The following TTC6 variants were observed in gnomAD, a reference collection of about 807,000 sequenced individuals.
TTC6 encodes tetratricopeptide repeat protein 6.
In TTC6, 172 loss-of-function variants were observed where a neutral mutation model predicts 210.4. The ratio of observed to expected loss-of-function variants is 0.82; its 90% confidence interval spans 0.72 to 0.93. The LOEUF is 0.93. Ranked by LOEUF, TTC6 falls within the 40% of genes least tolerant of loss-of-function variation. TTC6 has a pLI of 0.00. For synonymous variants in TTC6, 804 were observed against 819.6 expected (o/e 0.98, Z 0.32); for missense variants, 2,414 against 2,318.1 (o/e 1.04, Z -0.85).
At chr14:37,809,603 T>C (rs2096125691) in intron 24 of TTC6, among the ~76,000 whole-genome samples, 1 of 152,144 alleles carries the variant, frequency 6.6e-6, no homozygotes, top group Non-Finnish European at 1.5e-5. Context: ...GTAGGCATTC[T>C]TTTGTTTGGT....
intron 1 of TTC6, among the ~76,000 whole-genome samples, chr14:37,677,651 T>A (rs1180435747): frequency 1.3e-5 from 2 of 152,100 alleles, no homozygotes; most frequent in Non-Finnish European, 2.9e-5. Flanking sequence ...ATATTTTCAG[T>A]CACTCCCCAT....
chr14:37,632,075 G>C (rs956052402), intron 1 of TTC6, among the ~76,000 whole-genome samples: 1 of 152,058 alleles, frequency 6.6e-6, no homozygotes, highest in Non-Finnish European at 1.5e-5. Flanking sequence ...CCTTTAGCTT[G>C]GAGGAGTTTG....
chr14:37,800,914 C>T (rs1484116618), intron 20 of TTC6, among the ~76,000 whole-genome samples: 1 of 152,138 alleles, frequency 6.6e-6, no homozygotes, highest in Non-Finnish European at 1.5e-5. Context: ...AACAACTCAG[C>T]TGCAAACACG....
chr14:37,776,211 C>T lies in TTC6; in HGVS notation c.3267-11257C>T, dbSNP rs565082268. On this transcript the variant is annotated intron_variant, in intron 14 of 30. Coordinates refer to ENST00000553443, the Ensembl canonical transcript of TTC6. ...GACTACAGGCGCCCGCCACCGCGCCCGGCTAATTTTTTGTCTTTTTAGTAG... is the reference window on the plus strand; with the variant it reads ...GACTACAGGCGCCCGCCACCGCGCCTGGCTAATTTTTTGTCTTTTTAGTAG... Among the ~76,000 whole-genome samples the T allele has an allele frequency of 1.1e-3, 24 of 20,922 alleles. 9 individuals are homozygous for T. The highest frequency in any genetic ancestry group is 2.9e-3 in the African/African-American group (22 of 7,512). 13.7% of individuals were successfully genotyped at this position (20,922 alleles called of 152,430 possible). A position where few individuals can be genotyped will look rare whatever the true frequency, so the allele number is the denominator to read the frequency against.
chr14:37,710,505 C>T (rs1393849610), intron 5 of TTC6, among the ~76,000 whole-genome samples: 4 of 152,114 alleles, frequency 2.6e-5, no homozygotes, highest in Non-Finnish European at 5.9e-5. Flanking sequence ...GAGAGGTGGG[C>T]TTGTTTCCTT....
chr14:37,712,433 G>A (rs2095846093), intron 5 of TTC6, among the ~76,000 whole-genome samples: 1 of 151,934 alleles, frequency 6.6e-6, no homozygotes, highest in Non-Finnish European at 1.5e-5. Flanking sequence ...CTGTTCTTTT[G>A]TTTTCCTGGA....
At chr14:37,783,210 G>T (rs2096059575) in intron 14 of TTC6, among the ~76,000 whole-genome samples, 1 of 152,168 alleles carries the variant, frequency 6.6e-6, no homozygotes, top group South Asian at 2.1e-4. Flanking sequence ...AAGGGTACCA[G>T]CTCCTTTTTG....
chr14:37,651,624 C>T (rs937310728), intron 1 of TTC6, among the ~76,000 whole-genome samples: 1 of 151,554 alleles, frequency 6.6e-6, no homozygotes, highest in African/African-American at 2.4e-5. Context: ...TTTAATGTGT[C>T]TCAAGTACAG....
chr14:37,740,746 C>A (rs1029365237), intron 10 of TTC6, among the ~76,000 whole-genome samples: 62 of 152,076 alleles, frequency 4.1e-4, no homozygotes, highest in African/African-American at 1.4e-3. Context: ...TAGGAGACTG[C>A]AAGTAGGTTT....
chr14:37,622,301 TA>T lies in TTC6; in HGVS notation c.240del (p.Gly81AlafsTer53). ...GGACGTCGAGAAGATACCCTTCGCT[TA>T]AAGGCCCTGCGATGTCCGCGGCCGC... On this transcript the variant is annotated frameshift_variant, in exon 1 of 31. Coordinates refer to ENST00000553443, the Ensembl canonical transcript of TTC6. LOFTEE classifies it high-confidence loss of function. 4 of 1,534,804 alleles carry T rather than the reference TA, an allele frequency of 2.6e-6. No homozygotes were observed. Among genetic ancestry groups the T allele is most frequent in the Non-Finnish European group, 3.5e-6 (4 of 1,146,264 alleles).
At chr14:37,839,322 T>G (rs937800513) in intron 29 of TTC6, among the ~76,000 whole-genome samples, 15 of 152,194 alleles carry the variant, frequency 9.9e-5, no homozygotes, top group African/African-American at 3.6e-4. Flanking sequence ...TTTCTGACTT[T>G]TTAATGATCA....
intron 2 of TTC6, among the ~76,000 whole-genome samples, 155 bp from the exon 5 acceptor site, chr14:37,682,603 T>C (rs144857659): frequency 3.3e-5 from 5 of 152,298 alleles, no homozygotes; most frequent in African/African-American, 9.6e-5. Context: ...TTTGAGCTTC[T>C]CTTTCTAAAT....
chr14:37,816,339 C>T (rs60835094), intron 25 of TTC6, among the ~76,000 whole-genome samples: 1 of 152,036 alleles, frequency 6.6e-6, no homozygotes, highest in South Asian at 2.1e-4. Context: ...TTCCCTCTGA[C>T]ATAGCCAGGG....
chr14:37,622,965 CG>C lies in TTC6; in HGVS notation c.903del (p.Ser302AlafsTer16). 1 of 1,510,904 alleles carries C rather than the reference CG, an allele frequency of 6.6e-7. No individual in the cohort carries two copies. Among genetic ancestry groups the C allele is most frequent in the Middle Eastern group, 1.7e-4 (1 of 5,874 alleles). 93.6% of individuals were successfully genotyped at this position (1,510,904 alleles called of 1,614,324 possible). On this transcript the variant is annotated frameshift_variant, in exon 1 of 31. Transcript: ENST00000553443. LOFTEE classifies it high-confidence loss of function. ...CGACCAGACCATCAAAGAGCTCATA[CG>C]GAGCGTCCTTGGCCAGAACTACGAC...
chr14:37,813,483 A>T (rs1188702221), intron 25 of TTC6, among the ~76,000 whole-genome samples: 2 of 152,192 alleles, frequency 1.3e-5, no homozygotes, highest in Non-Finnish European at 2.9e-5. Context: ...AGCCCATGTT[A>T]TTCTCTGAAT....
upstream of TTC6, among the ~76,000 whole-genome samples, chr14:37,621,526 T>C (rs1212617889): frequency 6.6e-6 from 1 of 152,136 alleles, no homozygotes; most frequent in Non-Finnish European, 1.5e-5. Context: ...GGAGGATCGC[T>C]TGAGCCCAGG....
chr14:37,802,050 A>G (rs1157473000), intron 20 of TTC6: 1 of 152,220 alleles, frequency 6.6e-6, no homozygotes, highest in Non-Finnish European at 1.5e-5. Context: ...CACACGATGG[A>G]ATATTATGCA....
At chr14:37,734,839 AT>A (rs1255467317) in intron 7 of TTC6, among the ~76,000 whole-genome samples, 2 of 152,240 alleles carry the variant, frequency 1.3e-5, no homozygotes, top group Non-Finnish European at 2.9e-5. Context: ...GCAACCATTG[AT>A]TGTTAATAAG....
intron 6 of TTC6, among the ~76,000 whole-genome samples, 199 bp from the exon 9 acceptor site, chr14:37,724,699 A>C: frequency 6.6e-6 from 1 of 152,182 alleles, no homozygotes; most frequent in South Asian, 2.1e-4. Flanking sequence ...AATTTCCCCA[A>C]GTCCTTAGCA....
Sources: allele counts gnomAD v4.1 joint callset (sites outside exome capture counted in the v4.1 genomes callset), GRCh38; gene constraint gnomAD v4.1.1; transcripts MANE v1.5; gene names NCBI Gene and HGNC (gene_info 2026-07-23, HGNC 2026-07-21).